Variants in ZMAT4 observed in about 807,000 individuals in gnomAD.
The protein encoded by ZMAT4 is zinc finger matrin-type 4.
A neutral mutation model predicts 28.7 loss-of-function variants in ZMAT4; 17 were observed. That is an observed-to-expected ratio of 0.59 (90% confidence interval 0.41 to 0.89). The LOEUF (loss-of-function observed/expected upper bound fraction) is 0.89. Ranked by LOEUF, ZMAT4 falls within the 40% of genes least tolerant of loss-of-function variation. The pLI, the probability that ZMAT4 is intolerant of heterozygous loss-of-function variation, is 0.00. For missense variants in ZMAT4, 240 were observed against 283.8 expected (o/e 0.85, Z 1.11); for synonymous variants, 117 against 109.2 (o/e 1.07, Z -0.44).
intron 2 of ZMAT4, among the ~76,000 whole-genome samples, chr8:40,823,694 C>G: frequency 6.6e-6 from 1 of 151,120 alleles, no homozygotes; most frequent in Non-Finnish European, 1.5e-5. Flanking sequence ...TATACATATA[C>G]ACACACACAC....
intron 3 of ZMAT4, among the ~76,000 whole-genome samples, chr8:40,764,181 T>C (rs1043668965): frequency 6.6e-6 from 1 of 152,132 alleles, no homozygotes; most frequent in Non-Finnish European, 1.5e-5. Flanking sequence ...TTACTGAAAA[T>C]TTCTCTAAGG....
chr8:40,590,691 A>G (rs541824670), intron 5 of ZMAT4, among the ~76,000 whole-genome samples: 1 of 148,962 alleles, frequency 6.7e-6, no homozygotes, highest in South Asian at 2.2e-4. Flanking sequence ...TTCTATCAAT[A>G]CTTTTAAAGC....
intron 3 of ZMAT4, among the ~76,000 whole-genome samples, chr8:40,720,452 G>T (rs1811032381): frequency 6.6e-6 from 1 of 151,330 alleles, no homozygotes; most frequent in Non-Finnish European, 1.5e-5. Context: ...GGACAAGGCA[G>T]ACAGGAAGTG....
At chr8:40,863,560 T>C (rs2150646994) in intron 1 of ZMAT4, among the ~76,000 whole-genome samples, 1 of 152,294 alleles carries the variant, frequency 6.6e-6, no homozygotes, top group South Asian at 2.1e-4. Context: ...GAGCTGTAGA[T>C]GATGGGTTCA....
intron 6 of ZMAT4, among the ~76,000 whole-genome samples, chr8:40,564,744 T>G (rs1803858931): frequency 6.6e-6 from 1 of 152,208 alleles, no homozygotes; most frequent in Admixed American, 6.5e-5. Flanking sequence ...TCATTGATTT[T>G]AGTCATTCAA....
intron 2 of ZMAT4, among the ~76,000 whole-genome samples, chr8:40,780,035 A>C: frequency 6.6e-6 from 1 of 151,682 alleles, no homozygotes; most frequent in Non-Finnish European, 1.5e-5. Flanking sequence ...TCCCCTCCCA[A>C]CTTTTTTTTC....
chr8:40,793,193 G>A (rs1041596117), intron 2 of ZMAT4, among the ~76,000 whole-genome samples: 2 of 152,266 alleles, frequency 1.3e-5, no homozygotes, highest in South Asian at 2.1e-4. Context: ...GTGGTGAGAG[G>A]GGGGTACATG....
chr8:40,892,441 C>T (rs11776113), intron 1 of ZMAT4, among the ~76,000 whole-genome samples: 23,085 of 152,186 alleles, frequency 0.15, 1,953 homozygotes, highest in African/African-American at 0.2. Context: ...AAAGAGTCAT[C>T]GGCATAAACA....
chr8:40,560,292 C>T (rs191451997), intron 6 of ZMAT4, among the ~76,000 whole-genome samples: 4 of 151,792 alleles, frequency 2.6e-5, no homozygotes, highest in Non-Finnish European at 2.9e-5. Flanking sequence ...AATAACACCG[C>T]CAATTATAGA....
At chr8:40,603,196 C>T (rs184781289) in intron 5 of ZMAT4, among the ~76,000 whole-genome samples, 22 of 152,150 alleles carry the variant, frequency 1.4e-4, no homozygotes, top group African/African-American at 5.3e-4. Context: ...TTTCCCACTT[C>T]ATGTTTTTGT....
At chr8:40,702,011 AG>A (rs1402855988) in intron 3 of ZMAT4, among the ~76,000 whole-genome samples, 9 of 152,132 alleles carry the variant, frequency 5.9e-5, no homozygotes, top group African/African-American at 1.9e-4. Context: ...TTATGGAGAG[AG>A]GGGGTTTGTT....
At chr8:40,721,807 C>A (rs1373184327) in intron 3 of ZMAT4, among the ~76,000 whole-genome samples, 2 of 151,772 alleles carry the variant, frequency 1.3e-5, no homozygotes, top group Non-Finnish European at 2.9e-5. Flanking sequence ...ATGTCCTTCG[C>A]CCACTTTTTG....
intron 6 of ZMAT4, among the ~76,000 whole-genome samples, chr8:40,544,401 C>T (rs183072797): frequency 9.9e-5 from 15 of 152,214 alleles, no homozygotes; most frequent in African/African-American, 3.6e-4. Context: ...CTGGTTAAGA[C>T]TTCAAAAAGA....
chr8:40,545,661 A>G (rs1354683103), intron 6 of ZMAT4, among the ~76,000 whole-genome samples: 1 of 152,188 alleles, frequency 6.6e-6, no homozygotes, highest in Non-Finnish European at 1.5e-5. Context: ...AAGGTCTACC[A>G]GAAGTCAGGA....
intron 3 of ZMAT4, among the ~76,000 whole-genome samples, chr8:40,754,910 G>C (rs4631453): frequency 0.82 from 125,470 of 152,096 alleles, 52,985 homozygotes; most frequent in Non-Finnish European, 0.94. Context: ...TGTGGTCTGC[G>C]TAATTTGGAG....
intron 5 of ZMAT4, among the ~76,000 whole-genome samples, chr8:40,623,959 T>C (rs1585774256): frequency 6.6e-6 from 1 of 152,310 alleles, no homozygotes; most frequent in East Asian, 1.9e-4. Flanking sequence ...TTGGCTTGCT[T>C]CACTGGTCTA....
chr8:40,701,527 T>C (rs1436689634), intron 3 of ZMAT4, among the ~76,000 whole-genome samples: 1 of 138,990 alleles, frequency 7.2e-6, no homozygotes, highest in Non-Finnish European at 1.5e-5. Context: ...TTTTTTTTTT[T>C]TTTTTTTTGA....
chr8:40,739,281 G>A (rs527724451), intron 3 of ZMAT4, among the ~76,000 whole-genome samples: 2 of 152,296 alleles, frequency 1.3e-5, no homozygotes, highest in East Asian at 1.9e-4. Context: ...TCATCAAGGA[G>A]CAAATTAGAC....
At chr8:40,810,086 A>G (rs1463787903) in intron 2 of ZMAT4, among the ~76,000 whole-genome samples, 1 of 152,078 alleles carries the variant, frequency 6.6e-6, no homozygotes, top group African/African-American at 2.4e-5. Flanking sequence ...ATACACACAC[A>G]TGCACAAACA....
Sources: allele counts gnomAD v4.1 joint callset (sites outside exome capture counted in the v4.1 genomes callset), GRCh38; gene constraint gnomAD v4.1.1; transcripts MANE v1.5; gene names NCBI Gene and HGNC (gene_info 2026-07-23, HGNC 2026-07-21).